Variants in BRD1 observed in about 807,000 individuals in gnomAD.
The protein encoded by BRD1 is bromodomain-containing protein 1.
In BRD1, 24 loss-of-function variants were observed where a neutral mutation model predicts 107.7. The ratio of observed to expected loss-of-function variants is 0.22; its 90% CI spans 0.16 to 0.31. The LOEUF (loss-of-function observed/expected upper bound fraction) is 0.31. BRD1 is among the 10% of genes least tolerant of loss of function. The probability of loss-of-function intolerance (pLI) is 1.00; values close to 1 mark genes in which losing one functional copy is unlikely to be tolerated. For missense variants in BRD1, 1,279 were observed against 1,638.6 expected, an observed-to-expected ratio of 0.78 and a Z score of 3.79; for synonymous variants, 744 against 686.1, an observed-to-expected ratio of 1.08 and a Z score of -1.32.
rs1041966941 is a variant in BRD1 at position 49,803,486 on chromosome 22, G to T, written c.1524+718C>A. Among the ~76,000 whole-genome samples the T allele has an allele frequency of 6.6e-6, 1 of 152,236 alleles. No individual in the cohort carries two copies. Among genetic ancestry groups the T allele is most frequent in the East Asian group, 1.9e-4 (1 of 5,196 alleles). On this transcript the variant is annotated intron_variant, in intron 3 of 12. Transcript: ENST00000404760. The surrounding 1 kb of genome is among the most constrained non-coding windows in gnomAD (Gnocchi z 4.4). ...GCTGGCCGCAGGTCCTGGGCCGTGT[G>T]CAGAGCTGCTTGTGTTTTCAATTAC...
intron 1 of BRD1, among the ~76,000 whole-genome samples, chr22:49,826,597 G>A (rs374540048): frequency 6.6e-6 from 1 of 152,236 alleles, no homozygotes; most frequent in African/African-American, 2.4e-5. Flanking sequence ...CCCGCCCAGG[G>A]AGAAGCCGGC....
chr22:49,789,354 A>C (rs900963339), intron 7 of BRD1, among the ~76,000 whole-genome samples: 1 of 152,238 alleles, frequency 6.6e-6, no homozygotes, highest in East Asian at 1.9e-4. Context: ...AAGGCTGCTC[A>C]TGAGCATCCC....
At chr22:49,818,810 C>G (rs1238517479) in intron 2 of BRD1, among the ~76,000 whole-genome samples, 1 of 151,624 alleles carries the variant, frequency 6.6e-6, no homozygotes, top group African/African-American at 2.4e-5. Flanking sequence ...GGCGTGAACC[C>G]GGGAGGTGGA....
Position 49,792,845 on chromosome 22 carries a change from G to A in BRD1, c.2359+1189C>T, listed in dbSNP as rs905953604. On this transcript the variant is annotated intron_variant, in intron 7 of 12. Coordinates refer to ENST00000404760, the MANE Select transcript of BRD1 (RefSeq NM_001304808.3). This position sits in a 1 kb window ranked among gnomAD's most constrained non-coding sequence, Gnocchi z 4.2. ...CCCAAATGTAAAACAGGATAAAAGGGGCGAAGCTCTGCAGACAGGAGCCAC... is the reference window on the plus strand; with the variant it reads ...CCCAAATGTAAAACAGGATAAAAGGAGCGAAGCTCTGCAGACAGGAGCCAC... Among the ~76,000 whole-genome samples the A allele has an allele frequency of 3.3e-5, 5 of 152,152 alleles. No individual in the cohort carries two copies. The highest frequency in any genetic ancestry group is 1.2e-4 in the African/African-American group (5 of 41,430).
chr22:49,811,207 A>C lies in BRD1; in HGVS notation c.1368-6847T>G, dbSNP rs191171881. ...ATGCCCACAACAGGCAAATACACGG[A>C]GACAGGATGCAGATGGGTGGCTGCC... On this transcript the variant is annotated intron_variant, in intron 2 of 12. Transcript: ENST00000404760. Among the ~76,000 whole-genome samples the C allele has an allele frequency of 6.5e-3, 997 of 152,306 alleles. 3 individuals carry two copies. Among genetic ancestry groups the C allele is most frequent in the Non-Finnish European group, 0.011 (718 of 68,016 alleles).
In BRD1 at chr22:49,794,265, C is replaced by T; in HGVS notation, c.2128G>A (p.Ala710Thr). The T allele has an allele frequency of 1.2e-6, 2 of 1,613,000 alleles. No homozygotes were observed. Among genetic ancestry groups the T allele is most frequent in the East Asian group, 4.5e-5 (2 of 44,864 alleles). Reference protein sequence around the residue: ...VDRLLDPANRAHLGLEEQLRE... With the variant: ...VDRLLDPANRTHLGLEEQLRE... ...AGCTGCTCCTCCAGGCCCAGGTGGG[C>T]TCTGTTGGCGGGGTCCAGCAACCTG... The change falls in exon 7 of 13, where the codon GCC (alanine) becomes ACC (threonine). Residue 710 changes from alanine (A) to threonine (T), a missense_variant. Around this residue, in one of 7 missense-constraint regions of BRD1, gnomAD observed 406 missense variants for 519.4 expected, o/e 0.78. Transcript: ENST00000404760.
chr22:49,788,439 G>A (rs1004577205), intron 7 of BRD1, among the ~76,000 whole-genome samples: 5 of 152,076 alleles, frequency 3.3e-5, no homozygotes, highest in Admixed American at 1.3e-4. Flanking sequence ...AAAAAGCCCC[G>A]CTCCCCACAG....
Position 49,773,700 on chromosome 22 carries a change from T to A in BRD1, c.*533A>T, listed in dbSNP as rs2059029011. 2 of 152,660 alleles carry A rather than the reference T, an allele frequency of 1.3e-5. No individual in the cohort carries two copies. The highest frequency in any genetic ancestry group is 2.9e-5 in the Non-Finnish European group (2 of 68,098). The allele number at this position is 152,660 out of a possible 1,614,324, so 9.5% of individuals were successfully genotyped here. A position where few individuals can be genotyped will look rare whatever the true frequency, so the allele number is the denominator to read the frequency against. The stretch of plus-strand genomic sequence containing the variant: ...CCGCTGGGAGGCACACCTGCGGGGT[T>A]TGAGGTGGGCGGGACGACGGGAGCG... On this transcript the variant is annotated 3_prime_UTR_variant, in exon 13 of 13. Coordinates refer to ENST00000404760, the MANE Select transcript of BRD1 (RefSeq NM_001304808.3).
At chr22:49,809,005 G>C (rs2059799106) in intron 2 of BRD1, among the ~76,000 whole-genome samples, 2 of 152,024 alleles carry the variant, frequency 1.3e-5, no homozygotes, top group Non-Finnish European at 2.9e-5. Flanking sequence ...CGTAATCCTA[G>C]CTATTCAGGA....
chr22:49,798,719 G>A (rs1175609689), intron 4 of BRD1, 33 bp from the exon 5 acceptor site: 1 of 1,551,006 alleles, frequency 6.4e-7, no homozygotes, highest in Non-Finnish European at 8.7e-7. Context: ...CAGCTTTAGG[G>A]AGCCGCACAT....
intron 8 of BRD1, among the ~76,000 whole-genome samples, chr22:49,781,342 G>A (rs2059203722): frequency 6.6e-6 from 1 of 152,194 alleles, no homozygotes; most frequent in Admixed American, 6.5e-5. Context: ...CTGAGAGACT[G>A]AAGGCCACAG....
chr22:49,786,261 C>T (rs914396895), intron 8 of BRD1, among the ~76,000 whole-genome samples: 1 of 152,226 alleles, frequency 6.6e-6, no homozygotes, highest in African/African-American at 2.4e-5. Context: ...TCGCTGGCAA[C>T]CTGAGCCGGC....
rs369676629 is a variant in BRD1, at chr22:49,823,906, C to A, written c.412G>T (p.Val138Leu). Residue 138 changes from valine (V) to leucine (L), a missense_variant, in exon 2 of 13, where the codon GTG becomes TTG. This residue lies in a region of BRD1 where 223 missense variants were observed against 263.5 expected (regional missense o/e 0.85). Transcript: ENST00000404760. ...GACTTCTCGATGAACTTGTAGTACA[C>A]AGGAGGCCTCCTGGGGGCGGACGGA... The part of the protein sequence containing the change: ...SPPSAPRRPP[V>L]YYKFIEKSAE... 6.2e-7 allele frequency: 1 copy of A among 1,614,214 alleles called. No individual in the cohort carries two copies. The highest frequency in any genetic ancestry group is 1.1e-5 in the South Asian group (1 of 91,084).
In BRD1 at chr22:49,794,233, C is replaced by T. The variant is rs1288866425; in HGVS notation, c.2160G>A (p.Glu720=). The T allele has an allele frequency of 3.7e-6, 6 of 1,614,040 alleles. No homozygotes were observed. The East Asian group carries it at 1.1e-4, about 30-fold the overall frequency. ...AGGTGAGGTCGAGCATGTCCAGCAG[C>T]TCTCTCAGCTGCTCCTCCAGGCCCA... is the stretch of plus-strand genomic sequence containing the variant. ...AHLGLEEQLR[E]LLDMLDLTCA... Residue 720 remains glutamate, a synonymous_variant, in exon 7 of 13, where the codon GAG becomes GAA. Coordinates refer to ENST00000404760, the MANE Select transcript of BRD1 (RefSeq NM_001304808.3).
At chr22:49,788,705 G>A (rs1032120831) in intron 7 of BRD1, among the ~76,000 whole-genome samples, 10 of 152,196 alleles carry the variant, frequency 6.6e-5, no homozygotes, top group Non-Finnish European at 8.8e-5. Flanking sequence ...GAGGCTAACA[G>A]GGCGAGGCGA....
rs1204804480 is a variant in BRD1, at chr22:49,777,685, C to A, written c.2986G>T (p.Asp996Tyr). ...SISSSNSPLC[D>Y]SSFNAPKCGR... Reference sequence around the variant, plus strand: ...CAGGGCCGCGGTGCCCACCTCGAGTCGCAGAGCGGGCTGTTGCTGGAGGAG... The same window carrying A: ...CAGGGCCGCGGTGCCCACCTCGAGTAGCAGAGCGGGCTGTTGCTGGAGGAG... The change falls in exon 9 of 13, where the codon GAC (aspartate) becomes TAC (tyrosine). Residue 996 changes from aspartate to tyrosine, a missense_variant. Transcript: ENST00000404760. 6 of 1,606,390 alleles carry A rather than the reference C, an allele frequency of 3.7e-6. No homozygotes were observed. In the African/African-American group the frequency reaches 5.3e-5, roughly 14 times the overall value.
At chr22:49,817,223 G>A (rs2059970030) in intron 2 of BRD1, 1 of 155,558 alleles carries the variant, frequency 6.4e-6, no homozygotes. Context: ...GGTGGGTCAA[G>A]GAGTCACCCC....
chr22:49,800,811 G>A (rs893652587), intron 3 of BRD1, among the ~76,000 whole-genome samples: 1 of 152,224 alleles, frequency 6.6e-6, no homozygotes, highest in African/African-American at 2.4e-5. Context: ...GGACAGAAGT[G>A]AAGAAGCACT....
Position 49,804,065 on chromosome 22 carries a change from G to C in BRD1, c.1524+139C>G. On this transcript the variant is annotated intron_variant, in intron 3 of 12. Transcript: ENST00000404760. ...CACCCGACTCCTCCTACAGCTCCAGGGCTGGACGAGACGGAGGCTTCCCAA... is the reference window on the plus strand; with the variant it reads ...CACCCGACTCCTCCTACAGCTCCAGCGCTGGACGAGACGGAGGCTTCCCAA... 3 of 667,366 alleles carry C rather than the reference G, an allele frequency of 4.5e-6. No individual in the cohort carries two copies. The Admixed American group carries it at 1.1e-4, about 25-fold the overall frequency. The allele number at this position is 667,366 out of a possible 1,614,324, so 41.3% of individuals were successfully genotyped here.
Sources: allele counts gnomAD v4.1 joint callset (sites outside exome capture counted in the v4.1 genomes callset), GRCh38; gene constraint gnomAD v4.1.1; regional missense constraint gnomAD v4.1.1; non-coding constraint Gnocchi (gnomAD v3.1); transcripts MANE v1.5; gene names NCBI Gene and HGNC (gene_info 2026-07-23, HGNC 2026-07-21).